The following OR7C1 variants were observed in gnomAD, a reference collection of about 807,000 sequenced individuals.
OR7C1 encodes olfactory receptor family 7 subfamily C member 1.
For missense variants in OR7C1, 324 were observed against 383.3 expected (o/e 0.85, Z 1.29); for synonymous variants, 152 against 160.7 (o/e 0.95, Z 0.41).
chr19:14,810,546 ATTTTTT>A (rs71168507), intron 1 of OR7C1, among the ~76,000 whole-genome samples: 2 of 137,240 alleles, frequency 1.5e-5, no homozygotes, highest in East Asian at 2.1e-4. Flanking sequence ...TGCCCGGCTA[ATTTTTT>A]TTTTTTTTTT....
At chr19:14,799,712 C>T (rs2044630270) in exon 5 of OR7C1, 2 of 1,614,040 alleles carry the variant, frequency 1.2e-6, no homozygotes, top group Middle Eastern at 3.3e-4. Flanking sequence ...AACCAGCAGT[C>T]CACAGAGCTG....
chr19:14,810,378 T>G (rs12976576), intron 1 of OR7C1, among the ~76,000 whole-genome samples: 9 of 127,588 alleles, frequency 7.1e-5, no homozygotes, highest in Admixed American at 5.1e-4. Context: ...ATGAGTTTTT[T>G]TTTTTTGTTT....
At position 14,799,922 on chromosome 19, in the gene OR7C1, CAG is replaced by C. The variant is rs2147643013; in HGVS notation, c.213_214del (p.Cys72PhefsTer49). 2 of 1,613,888 alleles carry C rather than the reference CAG, an allele frequency of 1.2e-6. No individual in the cohort carries two copies. The highest frequency in any genetic ancestry group is 1.3e-5 in the African/African-American group (1 of 74,932). On this transcript the variant is annotated frameshift_variant, in exon 5 of 5. Transcript: ENST00000641666. LOFTEE classifies it low-confidence loss of function (END_TRUNC). ...CTTTGGGACAGTCGTGGAGGTAAAA[CAG>C]AGGTCAGCAAAAGACAGGTTGGAGA...
At chr19:14,827,586 G>C (rs1188228197) in intron 1 of OR7C1, 1 of 1,614,148 alleles carries the variant, frequency 6.2e-7, no homozygotes, top group Non-Finnish European at 8.5e-7. Context: ...AATTATCTTA[G>C]AGTAAGAGTA....
chr19:14,815,072 G>A (rs531124679), intron 1 of OR7C1, among the ~76,000 whole-genome samples: 1 of 152,180 alleles, frequency 6.6e-6, no homozygotes, highest in African/African-American at 2.4e-5. Flanking sequence ...TCTGGACTCA[G>A]GGTAAGCAAT....
Position 14,799,253 on chromosome 19 carries a change from G to A in OR7C1, c.884C>T (p.Thr295Met), listed in dbSNP as rs764894178. 9 of 1,613,944 alleles carry A rather than the reference G, an allele frequency of 5.6e-6. No individual in the cohort carries two copies. The highest frequency in any genetic ancestry group is 3.3e-5 in the South Asian group (3 of 91,068). ...TCTCCCCAGGGCCCTCTTCATGTCC[G>A]TGTTCCTCAGGCTGTAGATGAAGGG... is the stretch of plus-strand genomic sequence containing the variant. The change falls in exon 5 of 5, where the codon ACG becomes ATG. Residue 295 changes from threonine (T) to methionine (M), a missense_variant. Coordinates refer to ENST00000641666, the Ensembl canonical transcript of OR7C1.
chr19:14,822,275 C>T (rs943678956), intron 1 of OR7C1, among the ~76,000 whole-genome samples: 2 of 151,612 alleles, frequency 1.3e-5, no homozygotes, highest in African/African-American at 4.8e-5. Flanking sequence ...TGGAGAACCC[C>T]CAACTATTTT....
chr19:14,799,063 A>T (rs2044625229), exon 5 of OR7C1: 3 of 1,370,574 alleles, frequency 2.2e-6, no homozygotes, highest in South Asian at 1.7e-5. Context: ...TAGCTCCTGT[A>T]TCAAAGACAC....
At chr19:14,815,811 G>GTC (rs2044713671) in intron 1 of OR7C1, among the ~76,000 whole-genome samples, 1 of 150,236 alleles carries the variant, frequency 6.7e-6, no homozygotes, top group African/African-American at 2.5e-5. Context: ...GTGTGTGTGT[G>GTC]TGTGTCTGTG....
At chr19:14,802,183 TG>T in intron 2 of OR7C1, among the ~76,000 whole-genome samples, 1 of 152,362 alleles carries the variant, frequency 6.6e-6, no homozygotes, top group African/African-American at 2.4e-5. Context: ...CACCAGTTCC[TG>T]GTGCTGAAGA....
intron 1 of OR7C1, chr19:14,826,517 T>A (rs1249490277): frequency 6.6e-6 from 1 of 152,142 alleles, no homozygotes; most frequent in Non-Finnish European, 1.5e-5. Context: ...AACTTATATA[T>A]GGGCACTAAG....
chr19:14,803,309 A>G (rs2044650699), intron 2 of OR7C1, among the ~76,000 whole-genome samples: 2 of 147,494 alleles, frequency 1.4e-5, no homozygotes, highest in Admixed American at 1.4e-4. Context: ...TATGTCTCCA[A>G]AAAAAAAAAA....
At chr19:14,799,762 G>T (rs1301952606) in exon 5 of OR7C1, 1 of 1,613,950 alleles carries the variant, frequency 6.2e-7, no homozygotes, top group Admixed American at 1.7e-5. Flanking sequence ...GGTGACAGAC[G>T]GCCACGAAGC....
At chr19:14,824,462 C>T (rs1248744555) in intron 1 of OR7C1, 6 of 152,142 alleles carry the variant, frequency 3.9e-5, no homozygotes, top group African/African-American at 7.2e-5. Context: ...CACTTATAAG[C>T]GAGAACATGA....
chr19:14,805,339 A>C (rs1164873659), intron 2 of OR7C1, among the ~76,000 whole-genome samples: 1 of 150,822 alleles, frequency 6.6e-6, no homozygotes, highest in Non-Finnish European at 1.5e-5. Context: ...ATCTAGGACC[A>C]TCCCTGGAGC....
chr19:14,802,852 G>C (rs1049468890), intron 2 of OR7C1, among the ~76,000 whole-genome samples: 2 of 152,202 alleles, frequency 1.3e-5, no homozygotes, highest in Non-Finnish European at 2.9e-5. Context: ...CAAGGAAATT[G>C]AGTACGCAGA....
In OR7C1 at chr19:14,805,266, A is replaced by G. The variant is rs540404148; in HGVS notation, c.-434-4502T>C. ...GAGTTCTTGGGGCTAGAGCTTCCTC[A>G]CACTCAAGGGGAATGAGATGCACAT... On this transcript the variant is annotated intron_variant, in intron 2 of 4. Coordinates refer to ENST00000641666, the Ensembl canonical transcript of OR7C1. Among the ~76,000 whole-genome samples, 261 of 151,864 alleles carry G rather than the reference A, an allele frequency of 1.7e-3. 7 individuals are homozygous for G. Among genetic ancestry groups the G allele is most frequent in the African/African-American group, 6.1e-3 (251 of 41,228 alleles).
chr19:14,803,720 T>C (rs1048595118), intron 2 of OR7C1, among the ~76,000 whole-genome samples: 1 of 151,718 alleles, frequency 6.6e-6, no homozygotes, highest in South Asian at 2.1e-4. Flanking sequence ...TAATAATTTT[T>C]TTTTTTTGAG....
In OR7C1 at chr19:14,799,957, G is replaced by A. The variant is rs117130085; in HGVS notation, c.180C>T (p.Tyr60=). 5.3e-4 allele frequency: 862 copies of A among 1,614,162 alleles called. 18 individuals are homozygous for A. The East Asian group carries it at 0.018, about 34-fold the overall frequency. Reference sequence around the variant, plus strand: ...CAAAAGACAGGTTGGAGAGGAAGAAGTACATGGGGGTGTGGAGGTGGGAGT... The same window carrying A: ...CAAAAGACAGGTTGGAGAGGAAGAAATACATGGGGGTGTGGAGGTGGGAGT... The change falls in exon 5 of 5, where the codon TAC becomes TAT. Residue 60 remains tyrosine, a synonymous_variant. Coordinates refer to ENST00000641666, the Ensembl canonical transcript of OR7C1.
Sources: allele counts gnomAD v4.1 joint callset (sites outside exome capture counted in the v4.1 genomes callset), GRCh38; gene constraint gnomAD v4.1.1; transcripts MANE v1.5; gene names NCBI Gene and HGNC (gene_info 2026-07-23, HGNC 2026-07-21).